TMEM131: variants seen among roughly 807,000 people sequenced by gnomAD.
TMEM131 encodes the protein 2610524E03Rik.
TMEM131 carries 66 observed loss-of-function variants against 211.6 expected under a neutral mutation model. That is an observed-to-expected ratio of 0.31 (90% CI 0.26 to 0.38). The LOEUF (loss-of-function observed/expected upper bound fraction) is 0.38. Ranked by LOEUF, TMEM131 falls within the 10% of genes least tolerant of loss-of-function variation. The pLI, the probability that TMEM131 is intolerant of heterozygous loss-of-function variation, is 1.00. For missense variants in TMEM131, 2,036 were observed against 2,299.3 expected (o/e 0.89, Z 2.34); for synonymous variants, 844 against 841.3 (o/e 1.00, Z -0.06).
chr2:97,819,926 G>C (rs1682030994), intron 11 of TMEM131, among the ~76,000 whole-genome samples: 1 of 152,236 alleles, frequency 6.6e-6, no homozygotes, highest in Non-Finnish European at 1.5e-5. Context: ...TTGAAGGTGC[G>C]ATAAGCACCT....
chr2:97,943,087 A>AAG (rs1677869645), intron 1 of TMEM131, among the ~76,000 whole-genome samples: 1 of 143,990 alleles, frequency 6.9e-6, no homozygotes, highest in African/African-American at 2.6e-5. Context: ...GAAAGAAAGA[A>AAG]AGAAAGAAAG....
intron 3 of TMEM131, among the ~76,000 whole-genome samples, chr2:97,894,239 G>T (rs551461872): frequency 6.6e-6 from 1 of 152,196 alleles, no homozygotes; most frequent in African/African-American, 2.4e-5. Flanking sequence ...ATTGGTTTAT[G>T]TATCTGTTTT....
chr2:97,936,792 A>C (rs896982758), intron 1 of TMEM131, among the ~76,000 whole-genome samples: 1 of 152,192 alleles, frequency 6.6e-6, no homozygotes, highest in Non-Finnish European at 1.5e-5. Context: ...AAAAAGTATA[A>C]AGGGACAAAA....
At position 97,766,487 on chromosome 2, in the gene TMEM131, T is replaced by G. The variant is rs184780740; in HGVS notation, c.4564A>C (p.Lys1522Gln). The change falls in exon 34 of 41, where the codon AAA (lysine) becomes CAA (glutamine). Residue 1522 changes from lysine to glutamine, a missense_variant. By Grantham distance (53) the Lys-to-Gln change is moderately conservative. Around this residue, in one of 3 missense-constraint regions of TMEM131, gnomAD observed 1,623 missense variants for 1,805.9 expected, o/e 0.90. Coordinates refer to ENST00000186436, the MANE Select transcript of TMEM131 (RefSeq NM_015348.2). ...TSGSKSRNAQ[K>Q]TKGTSKLVDN... ...AACAAGATGACAATACCTTTTGTTT[T>G]CTGGGCATTTCGTGATTTGGATCCA... 8.6e-5 allele frequency: 139 copies of G among 1,614,018 alleles called. 1 individual carries two copies. The African/African-American group carries it at 1.7e-3, about 20-fold the overall frequency.
intron 2 of TMEM131, among the ~76,000 whole-genome samples, chr2:97,926,054 G>C (rs905664566): frequency 4.6e-5 from 7 of 151,686 alleles, no homozygotes; most frequent in African/African-American, 1.7e-4. Context: ...AGAGCTTGTG[G>C]TGAGCCGAGA....
In TMEM131 at chr2:97,888,106, C is replaced by G. The variant is rs773610584; in HGVS notation, c.305G>C (p.Arg102Pro). 2 of 1,612,952 alleles carry G rather than the reference C, an allele frequency of 1.2e-6. No homozygotes were observed. The highest frequency in any genetic ancestry group is 2.7e-5 in the African/African-American group (2 of 74,878). ...AAATCGTATGGGCCTGCAATTCCCC[C>G]GGTAGAGAGATATACTGTAAATAAA... The part of the protein sequence containing the change: ...SYQQKSISLY[R>P]GNCRPIRFEP... The change falls in exon 4 of 41, where the codon CGG (arginine) becomes CCG (proline). Residue 102 changes from arginine to proline, a missense_variant. This residue lies in a region of TMEM131 where 277 missense variants were observed against 378.0 expected (regional missense o/e 0.73). Transcript: ENST00000186436.
At chr2:97,797,074 A>T in intron 26 of TMEM131, 88 bp from the exon 27 acceptor site, 2 of 1,324,620 alleles carry the variant, frequency 1.5e-6, no homozygotes, top group Non-Finnish European at 2.1e-6. Context: ...TTTACAGAGC[A>T]CCACATAGAA....
chr2:97,925,833 G>C (rs911736033), intron 2 of TMEM131, among the ~76,000 whole-genome samples: 1 of 151,928 alleles, frequency 6.6e-6, no homozygotes, highest in African/African-American at 2.4e-5. Context: ...TGAGTTGGCC[G>C]GGCGCGGTGG....
intron 1 of TMEM131, among the ~76,000 whole-genome samples, chr2:97,971,063 T>A (rs1247611017): frequency 6.6e-6 from 1 of 152,222 alleles, no homozygotes; most frequent in East Asian, 1.9e-4. Context: ...AATAATTATT[T>A]AAACATATGA....
intron 6 of TMEM131, 40 bp downstream of exon 6, chr2:97,844,105 G>T: frequency 1.7e-6 from 1 of 572,354 alleles, no homozygotes; most frequent in Non-Finnish European, 2.8e-6. Context: ...CAGAGGTAAT[G>T]ATTATATTGT....
At chr2:97,867,415 G>A (rs1240783757) in intron 4 of TMEM131, among the ~76,000 whole-genome samples, 1 of 152,090 alleles carries the variant, frequency 6.6e-6, no homozygotes, top group Non-Finnish European at 1.5e-5. Context: ...TCCCTGGATT[G>A]ACCCTTTTGT....
intron 2 of TMEM131, among the ~76,000 whole-genome samples, chr2:97,923,628 T>TAAAAA (rs71386040): frequency 1.3e-3 from 39 of 30,206 alleles, no homozygotes; most frequent in East Asian, 8.2e-3. Context: ...TCTTTTTTTT[T>TAAAAA]AAAAAAAAAA....
At chr2:97,948,123 C>G (rs1396371932) in intron 1 of TMEM131, among the ~76,000 whole-genome samples, 2 of 151,210 alleles carry the variant, frequency 1.3e-5, no homozygotes, top group African/African-American at 4.9e-5. Flanking sequence ...TTGAGTTTGG[C>G]AAAGATATTC....
chr2:97,756,988 A>G lies in TMEM131; in HGVS notation c.*111T>C, dbSNP rs774708696. The G allele has an allele frequency of 2.8e-5, 38 of 1,346,104 alleles. No individual in the cohort carries two copies. The highest frequency in any genetic ancestry group is 7.4e-5 in the African/African-American group (5 of 67,926). The allele number at this position is 1,346,104 out of a possible 1,614,324, so 83.4% of individuals were successfully genotyped here. On this transcript the variant is annotated 3_prime_UTR_variant, in exon 41 of 41. Coordinates refer to ENST00000186436, the MANE Select transcript of TMEM131 (RefSeq NM_015348.2). ...CCTGCTTGGGTCTGTTTTGCAAAGA[A>G]GAGGAGGGTGGGGAGGGGAGCTGCA...
intron 3 of TMEM131, among the ~76,000 whole-genome samples, chr2:97,906,928 G>A (rs1676095854): frequency 1.3e-5 from 2 of 152,234 alleles, no homozygotes; most frequent in African/African-American, 4.8e-5. Flanking sequence ...CATGAGATGA[G>A]AATATAATTA....
At chr2:97,848,781 G>C (rs1683566194) in intron 5 of TMEM131, among the ~76,000 whole-genome samples, 1 of 151,988 alleles carries the variant, frequency 6.6e-6, no homozygotes, top group South Asian at 2.1e-4. Flanking sequence ...AACTCCCAAA[G>C]CATGACCCAT....
intron 11 of TMEM131, among the ~76,000 whole-genome samples, chr2:97,832,304 A>C (rs553330705): frequency 6.6e-6 from 1 of 152,334 alleles, no homozygotes; most frequent in East Asian, 1.9e-4. Context: ...TGTTTATTGA[A>C]AAAGATACTT....
chr2:97,869,744 G>C (rs1674417562), intron 4 of TMEM131, among the ~76,000 whole-genome samples: 2 of 152,300 alleles, frequency 1.3e-5, no homozygotes, highest in South Asian at 4.1e-4. Context: ...GACATGAGCA[G>C]AATCTAGACC....
At chr2:97,855,733 A>G (rs1039654139) in intron 5 of TMEM131, among the ~76,000 whole-genome samples, 2 of 151,802 alleles carry the variant, frequency 1.3e-5, no homozygotes, top group African/African-American at 4.8e-5. Context: ...ATTCTACTCT[A>G]CAATATGCTT....
Sources: gnomAD v4.1 joint callset for allele counts (sites outside exome capture counted in the v4.1 genomes callset) on GRCh38, gnomAD v4.1.1 for gene constraint, gnomAD v4.1.1 regional missense constraint, MANE v1.5 for transcripts, NCBI Gene and HGNC (gene_info 2026-07-23, HGNC 2026-07-21) for gene names.